TAS2R1: variants seen among roughly 807,000 people sequenced by gnomAD.
TAS2R1 encodes taste 2 receptor member 1.
For missense variants in TAS2R1, 370 were observed against 353.4 expected (o/e 1.05, Z -0.38); for synonymous variants, 141 against 134.2 (o/e 1.05, Z -0.35).
At chr5:9,845,998 T>C in the TAS2R1 span, among the ~76,000 whole-genome samples, 2 of 152,190 alleles carry the variant, frequency 1.3e-5, no homozygotes, top group Admixed American at 6.5e-5. Flanking sequence ...TATATTAGCA[T>C]GAGCTTGAAG....
chr5:9,812,797 T>A, the TAS2R1 span, among the ~76,000 whole-genome samples: 9,666 of 152,230 alleles, frequency 0.063, 901 homozygotes, highest in African/African-American at 0.2. Context: ...GCAAGCCATG[T>A]GGACAGTCAC....
At chr5:9,635,150 C>G (rs1437150571), upstream of TAS2R1, among the ~76,000 whole-genome samples, 1 of 152,040 alleles carries the variant, frequency 6.6e-6, no homozygotes, top group Non-Finnish European at 1.5e-5. Flanking sequence ...GGGTTTTAAT[C>G]ATAAAGGGAT....
At chr5:9,704,658 CAACT>C (rs1293714719) in intron 1 of TAS2R1, among the ~76,000 whole-genome samples, 1 of 152,014 alleles carries the variant, frequency 6.6e-6, no homozygotes, top group Non-Finnish European at 1.5e-5. Flanking sequence ...GACAAGTGGC[CAACT>C]AATATACAAC....
intron 1 of TAS2R1, among the ~76,000 whole-genome samples, chr5:9,666,037 G>T (rs1371558273): frequency 6.6e-6 from 1 of 152,170 alleles, no homozygotes; most frequent in Non-Finnish European, 1.5e-5. Context: ...CAATCAGGGA[G>T]TTGAACTGGA....
chr5:9,812,252 T>G, the TAS2R1 span, among the ~76,000 whole-genome samples: 2 of 152,118 alleles, frequency 1.3e-5, no homozygotes, highest in African/African-American at 4.8e-5. Flanking sequence ...AGATGTTCGA[T>G]AAATATTCAT....
chr5:9,758,583 G>A, the TAS2R1 span, among the ~76,000 whole-genome samples: 1 of 152,162 alleles, frequency 6.6e-6, no homozygotes. Flanking sequence ...TCAACAAATT[G>A]AAGATAATAG....
At chr5:9,711,449 G>T (rs918029320) in intron 1 of TAS2R1, among the ~76,000 whole-genome samples, 1 of 152,144 alleles carries the variant, frequency 6.6e-6, no homozygotes, top group African/African-American at 2.4e-5. Context: ...GTTATATGAG[G>T]TATCTAAAGT....
At chr5:9,879,855 T>A in the TAS2R1 span, among the ~76,000 whole-genome samples, 5 of 152,328 alleles carry the variant, frequency 3.3e-5, no homozygotes, top group Non-Finnish European at 7.3e-5. Flanking sequence ...TGTTGCCTTG[T>A]GTTCCTTTGC....
the TAS2R1 span, among the ~76,000 whole-genome samples, chr5:9,821,174 G>A: frequency 2.0e-5 from 3 of 152,158 alleles, no homozygotes; most frequent in Admixed American, 2.0e-4. Flanking sequence ...ATGTACATTA[G>A]GTGAGAACCT....
chr5:9,743,295 G>A, the TAS2R1 span, among the ~76,000 whole-genome samples: 3 of 150,532 alleles, frequency 2.0e-5, no homozygotes, highest in East Asian at 6.0e-4. Flanking sequence ...TGTCTCAGTT[G>A]AGCAGTGCTA....
At chr5:9,882,584 C>A in the TAS2R1 span, among the ~76,000 whole-genome samples, 1 of 152,144 alleles carries the variant, frequency 6.6e-6, no homozygotes, top group Non-Finnish European at 1.5e-5. Context: ...CGAGATCATG[C>A]CACTGCACTC....
At chr5:9,732,549 G>C in the TAS2R1 span, among the ~76,000 whole-genome samples, 1 of 152,178 alleles carries the variant, frequency 6.6e-6, no homozygotes, top group South Asian at 2.1e-4. Context: ...CAGGAGGCCA[G>C]GGTGTCCTTA....
intron 1 of TAS2R1, among the ~76,000 whole-genome samples, chr5:9,673,789 T>G (rs890634121): frequency 5.3e-5 from 8 of 152,128 alleles, no homozygotes; most frequent in African/African-American, 1.9e-4. Context: ...CAAACGAAAT[T>G]CTTCTTGCTG....
At chr5:9,645,080 G>A (rs554999895) in intron 2 of TAS2R1, among the ~76,000 whole-genome samples, 1 of 152,180 alleles carries the variant, frequency 6.6e-6, no homozygotes, top group South Asian at 2.1e-4. Context: ...AAATAACATG[G>A]GAATTATCTG....
chr5:9,642,999 TC>T (rs1250693692), intron 2 of TAS2R1, among the ~76,000 whole-genome samples: 1 of 151,740 alleles, frequency 6.6e-6, no homozygotes, highest in African/African-American at 2.4e-5. Context: ...CCTCCTTCTT[TC>T]CTTTCTTTCC....
the TAS2R1 span, among the ~76,000 whole-genome samples, chr5:9,834,439 T>C: frequency 1.2e-4 from 19 of 152,128 alleles, no homozygotes; most frequent in African/African-American, 4.6e-4. Context: ...TGTGGATGAG[T>C]GCAGTTGCAG....
At chr5:9,864,909 A>G in the TAS2R1 span, among the ~76,000 whole-genome samples, 4 of 152,198 alleles carry the variant, frequency 2.6e-5, no homozygotes, top group African/African-American at 9.6e-5. Context: ...AAGCGAGGGC[A>G]CTAGCTTAAG....
chr5:9,743,269 G>T, the TAS2R1 span, among the ~76,000 whole-genome samples: 1 of 151,802 alleles, frequency 6.6e-6, no homozygotes, highest in South Asian at 2.1e-4. Context: ...GAAATAGGGA[G>T]ATTTCTAAGT....
intron 1 of TAS2R1, among the ~76,000 whole-genome samples, chr5:9,695,742 C>G (rs1741343988): frequency 6.6e-6 from 1 of 152,068 alleles, no homozygotes; most frequent in Admixed American, 6.6e-5. Flanking sequence ...GAGACCTCAG[C>G]TAGGGTACAT....
Sources: allele counts gnomAD v4.1 joint callset (sites outside exome capture counted in the v4.1 genomes callset), GRCh38; gene constraint gnomAD v4.1.1; transcripts MANE v1.5; gene names NCBI Gene and HGNC (gene_info 2026-07-23, HGNC 2026-07-21).